TBXAS1: variants seen among roughly 807,000 people sequenced by gnomAD.
TBXAS1 encodes thromboxane-A synthase.
Under a neutral mutation model 60.7 loss-of-function variants are expected in TBXAS1, and 48 were observed. That is an observed-to-expected ratio of 0.79 (90% CI 0.63 to 1.01). The LOEUF (loss-of-function observed/expected upper bound fraction) is 1.01. Ranked by LOEUF, TBXAS1 falls within the 50% of genes least tolerant of loss-of-function variation. TBXAS1 has a pLI of 0.00. For synonymous variants in TBXAS1, 287 were observed against 269.7 expected, an observed-to-expected ratio of 1.06 and a Z score of -0.63; for missense variants, 685 against 686.3, an observed-to-expected ratio of 1.00 and a Z score of 0.02.
chr7:140,001,342 C>A (rs1028963819), intron 9 of TBXAS1, among the ~76,000 whole-genome samples: 2 of 152,178 alleles, frequency 1.3e-5, no homozygotes, highest in African/African-American at 4.8e-5. Flanking sequence ...ACACTCCAGG[C>A]CCAGCAGACC....
intron 2 of TBXAS1, among the ~76,000 whole-genome samples, chr7:139,875,340 A>C (rs1488445566): frequency 2.0e-5 from 3 of 152,238 alleles, no homozygotes; most frequent in Non-Finnish European, 4.4e-5. Context: ...ATATTTTAGC[A>C]GCAAGTATAC....
intron 5 of TBXAS1, among the ~76,000 whole-genome samples, chr7:139,937,201 C>T (rs530669335): frequency 6.6e-6 from 1 of 152,326 alleles, no homozygotes; most frequent in African/African-American, 2.4e-5. Flanking sequence ...GGCTAAGGGG[C>T]TTCTTTAGTT....
intron 1 of TBXAS1, among the ~76,000 whole-genome samples, chr7:139,868,353 C>T (rs1801576161): frequency 6.6e-6 from 1 of 152,110 alleles, no homozygotes; most frequent in Non-Finnish European, 1.5e-5. Context: ...TATTTAAAAA[C>T]AACTTTTCAT....
At chr7:139,914,791 G>A (rs1029041941) in intron 4 of TBXAS1, among the ~76,000 whole-genome samples, 23 of 152,182 alleles carry the variant, frequency 1.5e-4, no homozygotes, top group Non-Finnish European at 1.5e-5. Context: ...TTACAGTGAA[G>A]GAGGATATGG....
chr7:139,840,547 C>T (rs957304745), intron 1 of TBXAS1, among the ~76,000 whole-genome samples: 3 of 152,204 alleles, frequency 2.0e-5, no homozygotes, highest in South Asian at 4.1e-4. Flanking sequence ...TGCATATGGC[C>T]GTGGTGGGTT....
At chr7:139,783,722 G>A (rs1797073841) in intron 3 of TBXAS1, among the ~76,000 whole-genome samples, 1 of 152,182 alleles carries the variant, frequency 6.6e-6, no homozygotes, top group Admixed American at 6.5e-5. Context: ...TCTGTACAGT[G>A]TGAAGTTTCA....
intron 9 of TBXAS1, among the ~76,000 whole-genome samples, chr7:139,969,219 G>A (rs12112490): frequency 0.023 from 3,562 of 152,298 alleles, 132 homozygotes; most frequent in African/African-American, 0.081. Flanking sequence ...TTTGAACACA[G>A]TTATGCCTTA....
chr7:139,946,037 T>G (rs1808683700), intron 5 of TBXAS1, among the ~76,000 whole-genome samples: 1 of 152,172 alleles, frequency 6.6e-6, no homozygotes, highest in Non-Finnish European at 1.5e-5. Flanking sequence ...ATAACAAGTA[T>G]TTTTGGAAGA....
intron 9 of TBXAS1, among the ~76,000 whole-genome samples, chr7:139,997,381 T>C (rs964079611): frequency 5.3e-5 from 8 of 152,182 alleles, no homozygotes; most frequent in African/African-American, 1.9e-4. Context: ...GAATGTTCCA[T>C]ACTAATGGAA....
chr7:139,839,302 T>A (rs565845299), intron 1 of TBXAS1, among the ~76,000 whole-genome samples: 1 of 152,214 alleles, frequency 6.6e-6, no homozygotes, highest in African/African-American at 2.4e-5. Context: ...TCCCTTCTAG[T>A]GGTGAAGGGG....
intron 1 of TBXAS1, among the ~76,000 whole-genome samples, chr7:139,848,836 G>A (rs1800005092): frequency 6.6e-6 from 1 of 152,090 alleles, no homozygotes; most frequent in South Asian, 2.1e-4. Flanking sequence ...GGAGCAAGGG[G>A]CATTGATGTA....
chr7:140,011,160 C>T (rs764067197), intron 10 of TBXAS1, among the ~76,000 whole-genome samples: 2 of 151,798 alleles, frequency 1.3e-5, no homozygotes, highest in Non-Finnish European at 2.9e-5. Flanking sequence ...ACCTGTAATC[C>T]CAGCTACAAG....
intron 1 of TBXAS1, among the ~76,000 whole-genome samples, chr7:139,838,969 C>T (rs1799248606): frequency 6.6e-6 from 1 of 152,158 alleles, no homozygotes; most frequent in Admixed American, 6.5e-5. Flanking sequence ...ATTCTTACTT[C>T]TGGAGGAGAT....
chr7:139,855,435 C>A (rs761031488), intron 1 of TBXAS1, among the ~76,000 whole-genome samples: 1 of 151,818 alleles, frequency 6.6e-6, no homozygotes, highest in African/African-American at 2.4e-5. Context: ...CGTGGGCTGC[C>A]CTGGGGCTTT....
intron 2 of TBXAS1, among the ~76,000 whole-genome samples, chr7:139,875,300 A>G (rs568338020): frequency 2.0e-5 from 3 of 152,348 alleles, no homozygotes; most frequent in East Asian, 3.9e-4. Flanking sequence ...TCAGAGGGCA[A>G]TGTTATAGTT....
intron 4 of TBXAS1, among the ~76,000 whole-genome samples, chr7:139,802,265 T>G (rs556855546): frequency 3.9e-5 from 6 of 152,362 alleles, no homozygotes; most frequent in Admixed American, 2.6e-4. Flanking sequence ...TAACACTTCT[T>G]GAGTGCTACG....
At chr7:140,017,211 G>A (rs896795417) in intron 11 of TBXAS1, among the ~76,000 whole-genome samples, 1 of 152,202 alleles carries the variant, frequency 6.6e-6, no homozygotes, top group African/African-American at 2.4e-5. Context: ...AGCAGGACAC[G>A]CCCCCCAGGG....
intron 9 of TBXAS1, among the ~76,000 whole-genome samples, chr7:139,987,364 C>T (rs1047362128): frequency 4.6e-5 from 7 of 152,178 alleles, no homozygotes; most frequent in Admixed American, 3.3e-4. Flanking sequence ...CCAACCAAGA[C>T]GGGAGCTTCA....
At chr7:139,844,607 T>C (rs78735175) in intron 1 of TBXAS1, among the ~76,000 whole-genome samples, 188 of 152,330 alleles carry the variant, frequency 1.2e-3, no homozygotes, top group African/African-American at 4.3e-3. Flanking sequence ...TTAGGCTCTT[T>C]GAAATATTGA....
Sources: allele counts gnomAD v4.1 joint callset (sites outside exome capture counted in the v4.1 genomes callset), GRCh38; gene constraint gnomAD v4.1.1; transcripts MANE v1.5; gene names NCBI Gene and HGNC (gene_info 2026-07-23, HGNC 2026-07-21).